The following CBX3 variants were observed in gnomAD, a reference collection of about 807,000 sequenced individuals.
CBX3 encodes the protein chromobox 3, also known as chromobox protein homolog 3.
A neutral mutation model predicts 22.6 loss-of-function variants in CBX3; 5 were observed. That is an observed-to-expected ratio of 0.22 (90% CI 0.12 to 0.47). The LOEUF (loss-of-function observed/expected upper bound fraction) is 0.47, where lower values mean the gene tolerates loss of function less well. CBX3 is among the 20% of genes least tolerant of loss of function. CBX3 has a pLI of 0.99. For missense variants in CBX3, 83 were observed against 208.1 expected (o/e 0.40, Z 3.70); for synonymous variants, 50 against 66.6 (o/e 0.75, Z 1.21).
At chr7:26,204,673 G>C (rs1489065608) in intron 2 of CBX3, among the ~76,000 whole-genome samples, 1 of 152,204 alleles carries the variant, frequency 6.6e-6, no homozygotes, top group Non-Finnish European at 1.5e-5. Context: ...AGCTTGAAAT[G>C]TCCTTCTGTA....
intron 1 of CBX3, chr7:26,202,386 CG>C (rs1208769729): frequency 6.6e-6 from 1 of 152,186 alleles, no homozygotes; most frequent in African/African-American, 2.4e-5. Flanking sequence ...CGGGTGGGGG[CG>C]GGCACCCGCG....
Position 26,212,120 on chromosome 7 carries a change from A to G in CBX3, c.464A>G (p.Glu155Gly). ...GAGGCAGACTTGGTGCTGGCGAAAG[A>G]GGCAAATATGAAGTGTCCTCAAATT... ...SDEADLVLAKEANMKCPQIVI... is the reference protein window; with the variant it reads ...SDEADLVLAKGANMKCPQIVI... Residue 155 changes from glutamate (E) to glycine (G), a missense_variant, in exon 6 of 6, where the codon GAG (glutamate) becomes GGG (glycine). Around this residue, in one of 3 missense-constraint regions of CBX3, gnomAD observed 59 missense variants for 155.0 expected, o/e 0.38. Coordinates refer to ENST00000396386, the MANE Select transcript of CBX3 (RefSeq NM_016587.4). 1.9e-6 allele frequency: 3 copies of G among 1,588,060 alleles called. No homozygotes were observed. The highest frequency in any genetic ancestry group is 2.6e-6 in the Non-Finnish European group (3 of 1,169,240).
At chr7:26,203,243 G>T (rs1422100005) in intron 2 of CBX3, among the ~76,000 whole-genome samples, 1 of 152,200 alleles carries the variant, frequency 6.6e-6, no homozygotes, top group Admixed American at 6.5e-5. Context: ...GCTAATCTTT[G>T]AAGGACAGTG....
intron 2 of CBX3, 187 bp from the exon 3 acceptor site, chr7:26,206,181 T>G (rs1196076486): frequency 3.9e-6 from 2 of 518,004 alleles, no homozygotes; most frequent in Admixed American, 7.4e-5. Context: ...TTGAACTAAA[T>G]GAACAAGATA....
intron 3 of CBX3, among the ~76,000 whole-genome samples, chr7:26,206,908 C>T (rs921188948): frequency 1.3e-5 from 2 of 152,090 alleles, no homozygotes; most frequent in African/African-American, 4.8e-5. Context: ...ATAATCTAGG[C>T]TTTATACTAG....
chr7:26,205,189 CCT>C (rs1471159884), intron 2 of CBX3, among the ~76,000 whole-genome samples: 6 of 152,018 alleles, frequency 3.9e-5, no homozygotes, highest in Non-Finnish European at 7.4e-5. Context: ...CATTTTTAAT[CCT>C]CTCATAAAAA....
chr7:26,203,717 T>C (rs1443489881), intron 2 of CBX3, among the ~76,000 whole-genome samples: 2 of 152,190 alleles, frequency 1.3e-5, no homozygotes, highest in African/African-American at 2.4e-5. Context: ...ATATTTAACA[T>C]TGCATTAATC....
Position 26,212,124 on chromosome 7 carries a change from A to C in CBX3, c.468A>C (p.Ala156=), listed in dbSNP as rs1784813171. The change falls in exon 6 of 6, where the codon GCA becomes GCC. Residue 156 remains alanine, a synonymous_variant. Transcript: ENST00000396386. Reference sequence around the variant, plus strand: ...CAGACTTGGTGCTGGCGAAAGAGGCAAATATGAAGTGTCCTCAAATTGTAA... The same window carrying C: ...CAGACTTGGTGCTGGCGAAAGAGGCCAATATGAAGTGTCCTCAAATTGTAA... ...DEADLVLAKE[A]NMKCPQIVIA... The C allele has an allele frequency of 6.3e-7, 1 of 1,584,338 alleles. No individual in the cohort carries two copies. The highest frequency in any genetic ancestry group is 8.6e-7 in the Non-Finnish European group (1 of 1,167,350).
At chr7:26,202,833 G>T (rs1408143877) in intron 1 of CBX3, 138 bp from the exon 2 acceptor site, 8 of 690,622 alleles carry the variant, frequency 1.2e-5, no homozygotes, top group Non-Finnish European at 1.8e-5. Context: ...GTAGGTAGGA[G>T]CGCAGATCTA....
rs1214454412 is a variant in CBX3 at position 26,212,843 on chromosome 7, G to A, written c.*635G>A. ...TTTTAAAGTGTCTATAATTGCAGTGGTTTATTTGCAAAATTCCTAAAAGGA... is the reference window on the plus strand; with the variant it reads ...TTTTAAAGTGTCTATAATTGCAGTGATTTATTTGCAAAATTCCTAAAAGGA... On this transcript the variant is annotated 3_prime_UTR_variant, in exon 6 of 6. Coordinates refer to ENST00000396386, the MANE Select transcript of CBX3 (RefSeq NM_016587.4). 3.3e-5 allele frequency: 5 copies of A among 152,246 alleles called. No homozygotes were observed. The highest frequency in any genetic ancestry group is 1.2e-4 in the African/African-American group (5 of 41,458). 9.4% of individuals were successfully genotyped at this position (152,246 alleles called of 1,614,324 possible). A position where few individuals can be genotyped will look rare whatever the true frequency, so the allele number is the denominator to read the frequency against.
At chr7:26,202,938 C>G (rs1467480738) in intron 1 of CBX3, 33 bp from the exon 2 acceptor site, 6 of 1,378,198 alleles carry the variant, frequency 4.4e-6, no homozygotes, top group Non-Finnish European at 6.1e-6. Flanking sequence ...TTGTGTCATG[C>G]AAACTTACCT....
chr7:26,211,879 TTA>T, intron 5 of CBX3, 123 bp downstream of exon 5: 1 of 869,858 alleles, frequency 1.1e-6, no homozygotes, highest in Non-Finnish European at 1.7e-6. Context: ...CTGGTTACTT[TTA>T]CTAGTAGTGT....
chr7:26,211,465 T>C (rs1014271902), intron 4 of CBX3, among the ~76,000 whole-genome samples, 197 bp from the exon 5 acceptor site: 5 of 152,232 alleles, frequency 3.3e-5, no homozygotes, highest in Non-Finnish European at 7.3e-5. Context: ...TCAGAAATTT[T>C]AAGTATTCTA....
intron 3 of CBX3, among the ~76,000 whole-genome samples, chr7:26,207,697 T>C (rs763983463): frequency 2.0e-5 from 3 of 151,964 alleles, no homozygotes; most frequent in Non-Finnish European, 2.9e-5. Context: ...TTTTGTATTT[T>C]AGCAGAGACC....
intron 2 of CBX3, among the ~76,000 whole-genome samples, chr7:26,203,694 TAC>T (rs1338532153): frequency 1.3e-5 from 2 of 152,198 alleles, no homozygotes; most frequent in Non-Finnish European, 1.5e-5. Flanking sequence ...AATTCAAAGT[TAC>T]AGTTTTCACA....
In CBX3 at chr7:26,212,236, TTA is replaced by T. The variant is rs749825060; in HGVS notation, c.*41_*42del. The stretch of plus-strand genomic sequence containing the variant: ...GTTCACATTGTTCTTTTATATATAT[TTA>T]TATATATATATAAAAATTGGGTCTT... On this transcript the variant is annotated 3_prime_UTR_variant, in exon 6 of 6. Coordinates refer to ENST00000396386, the MANE Select transcript of CBX3 (RefSeq NM_016587.4). 149 of 1,101,926 alleles carry T rather than the reference TTA, an allele frequency of 1.4e-4. No individual in the cohort carries two copies. Among genetic ancestry groups the T allele is most frequent in the Middle Eastern group, 3.6e-4 (1 of 2,780 alleles). 68.3% of individuals were successfully genotyped at this position (1,101,926 alleles called of 1,614,324 possible).
intron 3 of CBX3, among the ~76,000 whole-genome samples, chr7:26,207,253 C>T (rs1054752751): frequency 2.6e-5 from 4 of 152,218 alleles, no homozygotes; most frequent in African/African-American, 9.6e-5. Context: ...TTCCCCTGCT[C>T]TTCACATTTA....
chr7:26,201,475 C>A (rs1442868670), upstream of CBX3: 1 of 152,192 alleles, frequency 6.6e-6, no homozygotes, highest in Non-Finnish European at 1.5e-5. Context: ...AGCAGAAAAG[C>A]CACCGCTGAG....
chr7:26,212,896 G>C lies in CBX3; in HGVS notation c.*688G>C, dbSNP rs189258793. 3.1e-4 allele frequency: 47 copies of C among 152,398 alleles called. No individual in the cohort carries two copies. The highest frequency in any genetic ancestry group is 2.8e-3 in the Admixed American group (43 of 15,308). The allele number at this position is 152,398 out of a possible 1,614,324, so 9.4% of individuals were successfully genotyped here. ...AATTTTATCACTGCCATCACAGCAG[G>C]TTTCCTCATCCAGATGAGGAAACTA... On this transcript the variant is annotated 3_prime_UTR_variant, in exon 6 of 6. Coordinates refer to ENST00000396386, the MANE Select transcript of CBX3 (RefSeq NM_016587.4).
Sources: allele counts gnomAD v4.1 joint callset (sites outside exome capture counted in the v4.1 genomes callset), GRCh38; gene constraint gnomAD v4.1.1; regional missense constraint gnomAD v4.1.1; transcripts MANE v1.5; gene names NCBI Gene and HGNC (gene_info 2026-07-23, HGNC 2026-07-21).